SH2B3: variants seen among roughly 807,000 people sequenced by gnomAD.
SH2B3 encodes the protein SH2B adapter protein 3.
A neutral mutation model predicts 51.9 loss-of-function variants in SH2B3; 43 were observed. That is an observed-to-expected ratio of 0.83 (90% CI 0.65 to 1.07). The LOEUF (loss-of-function observed/expected upper bound fraction) is 1.07. Among genes scored for constraint, SH2B3 ranks in the 50% least tolerant of loss-of-function variants. SH2B3 has a pLI of 0.00. For missense variants in SH2B3, 952 were observed against 834.3 expected, an observed-to-expected ratio of 1.14 and a Z score of -1.74; for synonymous variants, 396 against 376.0, an observed-to-expected ratio of 1.05 and a Z score of -0.62.
Position 111,448,293 on chromosome 12 carries a change from A to G in SH2B3, c.1719A>G (p.Thr573=), listed in dbSNP as rs755314960. ...TGCGGGCCATAGACAATCAGTACAC[A>G]CCTCTCTGACCAGTGAGGAATTCCA... ...SHLRAIDNQY[T]PL The change falls in exon 8 of 8, where the codon ACA becomes ACG. Residue 573 remains threonine (T), a synonymous_variant. Coordinates refer to ENST00000341259, the MANE Select transcript of SH2B3 (RefSeq NM_005475.3). 5 of 1,597,372 alleles carry G rather than the reference A, an allele frequency of 3.1e-6. No individual in the cohort carries two copies. The African/African-American group carries it at 6.7e-5, about 21-fold the overall frequency.
At position 111,447,360 on chromosome 12, in the gene SH2B3, C is replaced by G; in HGVS notation, c.1052C>G (p.Ala351Gly). ...TCTCCTGGGGGGCTGCTGGACCCGG[C>G]CTGCCAGAAGACGGACCATTTCCTG... Reference protein sequence around the residue: ...GASPGGLLDPACQKTDHFLSC... With the variant: ...GASPGGLLDPGCQKTDHFLSC... The change falls in exon 6 of 8, where the codon GCC (alanine) becomes GGC (glycine). Residue 351 changes from alanine to glycine, a missense_variant. Coordinates refer to ENST00000341259, the MANE Select transcript of SH2B3 (RefSeq NM_005475.3). 1 of 1,614,038 alleles carries G rather than the reference C, an allele frequency of 6.2e-7. No individual in the cohort carries two copies. The highest frequency in any genetic ancestry group is 2.2e-5 in the East Asian group (1 of 44,886).
intron 2 of SH2B3, among the ~76,000 whole-genome samples, chr12:111,423,317 T>C (rs1301752302): frequency 3.3e-4 from 51 of 152,262 alleles, no homozygotes; most frequent in Non-Finnish European, 5.9e-5. Flanking sequence ...GAAAGACAAA[T>C]AACGGCCCCA....
chr12:111,413,626 C>T (rs1870871288), intron 1 of SH2B3, among the ~76,000 whole-genome samples: 3 of 152,190 alleles, frequency 2.0e-5, no homozygotes, highest in South Asian at 2.1e-4. Context: ...GAAGGTAGGA[C>T]GGCCCAGGGG....
chr12:111,442,194 G>C (rs535786491), intron 2 of SH2B3, among the ~76,000 whole-genome samples: 3 of 152,190 alleles, frequency 2.0e-5, no homozygotes, highest in Non-Finnish European at 4.4e-5. Context: ...GACAGGATCT[G>C]GAATTTGCTC....
chr12:111,444,733 C>G, intron 2 of SH2B3: 1 of 985,662 alleles, frequency 1.0e-6, no homozygotes, highest in Non-Finnish European at 1.2e-6. Context: ...TGGTCCTTCC[C>G]TGCAGTGGCC....
At position 111,435,089 on chromosome 12, in the gene SH2B3, C is replaced by T; in HGVS notation, c.733-11664C>T. On this transcript the variant is annotated intron_variant, in intron 2 of 7. Coordinates refer to ENST00000341259, the MANE Select transcript of SH2B3 (RefSeq NM_005475.3). This position sits in a 1 kb window ranked among gnomAD's most constrained non-coding sequence, Gnocchi z 4.8. ...TCTTGGTGGTGATGAGTCCCCTCTC[C>T]TCTGGTGCACTCTCCCCACCCGAGA... The T allele has an allele frequency of 2.3e-6, 3 of 1,292,380 alleles. No individual in the cohort carries two copies. In the South Asian group the frequency reaches 3.9e-5, roughly 17 times the overall value. The allele number at this position is 1,292,380 out of a possible 1,614,324, so 80.1% of individuals were successfully genotyped here. A position where few individuals can be genotyped will look rare whatever the true frequency, so the allele number is the denominator to read the frequency against.
rs1870537714 is a variant in SH2B3, at chr12:111,409,745, C to A, written c.-28+3468C>A. Among the ~76,000 whole-genome samples, 1 of 152,214 alleles carries A rather than the reference C, an allele frequency of 6.6e-6. No homozygotes were observed. The highest frequency in any genetic ancestry group is 2.4e-5 in the African/African-American group (1 of 41,470). ...GCCTGGCAGCAGGACCAGGCCACCA[C>A]TGGACATCTGCTCAATGGGGCCCTG... On this transcript the variant is annotated intron_variant, in intron 1 of 7. Transcript: ENST00000341259. This position sits in a 1 kb window ranked among gnomAD's most constrained non-coding sequence, Gnocchi z 4.0.
At chr12:111,434,942 G>T in intron 2 of SH2B3, 1 of 1,535,532 alleles carries the variant, frequency 6.5e-7, no homozygotes, top group East Asian at 2.4e-5. Context: ...AGGAGGACCT[G>T]GCCTGGCTGT....
intron 2 of SH2B3, among the ~76,000 whole-genome samples, chr12:111,424,386 T>C (rs1460237566): frequency 2.6e-5 from 4 of 151,852 alleles, no homozygotes; most frequent in African/African-American, 9.7e-5. Flanking sequence ...GTTGCCACGG[T>C]TGTTGTGGTT....
intron 1 of SH2B3, among the ~76,000 whole-genome samples, chr12:111,417,684 T>G (rs1463863297): frequency 1.3e-5 from 2 of 152,024 alleles, no homozygotes; most frequent in Admixed American, 1.3e-4. Context: ...CTCAAACTCC[T>G]GGGCTCAAGT....
chr12:111,408,718 A>G (rs1035426128), intron 1 of SH2B3, among the ~76,000 whole-genome samples: 1 of 152,148 alleles, frequency 6.6e-6, no homozygotes, highest in African/African-American at 2.4e-5. Flanking sequence ...GTCTGGGCCA[A>G]TACAGCTCCT....
At chr12:111,425,405 C>G (rs909755474) in intron 2 of SH2B3, among the ~76,000 whole-genome samples, 4 of 152,084 alleles carry the variant, frequency 2.6e-5, no homozygotes, top group African/African-American at 9.7e-5. Context: ...GGTTGGTCAG[C>G]AAAGGCCTCT....
intron 2 of SH2B3, among the ~76,000 whole-genome samples, chr12:111,443,260 T>C (rs954885136): frequency 2.6e-5 from 4 of 152,312 alleles, no homozygotes; most frequent in Non-Finnish European, 5.9e-5. Flanking sequence ...TGGTGTTTCA[T>C]CTTCACTTCT....
chr12:111,420,701 T>G (rs1565972349), intron 2 of SH2B3, among the ~76,000 whole-genome samples: 1 of 152,222 alleles, frequency 6.6e-6, no homozygotes, highest in Non-Finnish European at 1.5e-5. Context: ...CATGCTAGGT[T>G]CTGGGGGACC....
rs1391419122 is a variant in SH2B3, at chr12:111,448,952, C to T, written c.*650C>T. On this transcript the variant is annotated 3_prime_UTR_variant, in exon 8 of 8. Transcript: ENST00000341259. ...TATTTCAGTGCACTGTTTCAACTAACACCCATGCTATTTTTGTAGTCAGAA... is the reference window on the plus strand; with the variant it reads ...TATTTCAGTGCACTGTTTCAACTAATACCCATGCTATTTTTGTAGTCAGAA... 9.8e-5 allele frequency: 15 copies of T among 152,860 alleles called. No homozygotes were observed. 9.5% of individuals were successfully genotyped at this position (152,860 alleles called of 1,614,324 possible).
chr12:111,446,861 G>A lies in SH2B3; in HGVS notation c.834+7G>A, dbSNP rs1451043423. On this transcript the variant is annotated splice_region_variant and intron_variant, in intron 3 of 7. Transcript: ENST00000341259. The stretch of plus-strand genomic sequence containing the variant: ...TTACACCTTTGTGCTGAAGGTGAGT[G>A]ACAAGGCTTTTCACACCCTGGGGCA... 6 of 1,605,450 alleles carry A rather than the reference G, an allele frequency of 3.7e-6. No homozygotes were observed. The highest frequency in any genetic ancestry group is 5.1e-6 in the Non-Finnish European group (6 of 1,173,212).
chr12:111,405,459 G>A (rs1410013209), upstream of SH2B3, among the ~76,000 whole-genome samples: 1 of 152,222 alleles, frequency 6.6e-6, no homozygotes, highest in Non-Finnish European at 1.5e-5. The surrounding 1 kb of genome is among the most constrained non-coding windows in gnomAD (Gnocchi z 5.4). Flanking sequence ...ATAAGGCCCT[G>A]CAGGAGGGAG....
intron 2 of SH2B3, chr12:111,444,869 C>T (rs1008309313): frequency 6.7e-5 from 66 of 985,642 alleles, no homozygotes; most frequent in Middle Eastern, 5.2e-4. Flanking sequence ...GTAGCTGTGG[C>T]GGACCCCGGC....
chr12:111,419,533 G>A (rs2135550707), intron 2 of SH2B3, among the ~76,000 whole-genome samples: 1 of 152,178 alleles, frequency 6.6e-6, no homozygotes, highest in South Asian at 2.1e-4. Context: ...GGCTACTTGG[G>A]AGGCTGAGTC....
Sources: gnomAD v4.1 joint callset for allele counts (sites outside exome capture counted in the v4.1 genomes callset) on GRCh38, gnomAD v4.1.1 for gene constraint, Gnocchi (gnomAD v3.1) non-coding constraint, MANE v1.5 for transcripts, NCBI Gene and HGNC (gene_info 2026-07-23, HGNC 2026-07-21) for gene names.